Variants in CBARP observed in about 807,000 individuals in gnomAD.
CBARP encodes the protein CACN subunit beta associated regulatory protein, also known as voltage-dependent calcium channel beta subunit-associated regulatory protein.
In CBARP, 24 loss-of-function variants were observed where a neutral mutation model predicts 36.3. The ratio of observed to expected loss-of-function variants is 0.66; its 90% CI spans 0.48 to 0.93. The LOEUF is 0.93. Ranked by LOEUF, CBARP falls within the 40% of genes least tolerant of loss-of-function variation. CBARP has a pLI of 0.00. For missense variants in CBARP, 1,146 were observed against 980.4 expected (o/e 1.17, Z -2.26); for synonymous variants, 586 against 453.2 (o/e 1.29, Z -3.72).
At chr19:1,234,881 G>A (rs1395206403) in intron 5 of CBARP, 120 bp downstream of exon 5, 13 of 1,499,718 alleles carry the variant, frequency 8.7e-6, no homozygotes, top group Middle Eastern at 2.0e-4. Context: ...CCCACCCCAC[G>A]GTCCCAGTCC....
At chr19:1,232,126 C>T (rs1012088926) in intron 8 of CBARP, among the ~76,000 whole-genome samples, 2 of 152,220 alleles carry the variant, frequency 1.3e-5, no homozygotes, top group Admixed American at 1.3e-4. Flanking sequence ...CCAACAGCCT[C>T]CCCAGCAAAG....
At chr19:1,231,069 C>T (rs1013394493) in intron 9 of CBARP, 32 bp downstream of exon 9, 3 of 1,582,424 alleles carry the variant, frequency 1.9e-6, no homozygotes, top group East Asian at 2.3e-5. Context: ...CCCACAGGTC[C>T]ACCCCTAGCA....
At chr19:1,235,750 C>G in intron 3 of CBARP, 29 bp downstream of exon 3, 1 of 1,606,096 alleles carries the variant, frequency 6.2e-7, no homozygotes, top group Non-Finnish European at 8.5e-7. Flanking sequence ...CCACCATGCA[C>G]CTGCCCAGCC....
rs2080938437 is a variant in CBARP, at chr19:1,234,618, TGGTG to T, written c.576_579del (p.Thr193ArgfsTer193). On this transcript the variant is annotated frameshift_variant, in exon 6 of 10. Coordinates refer to ENST00000650044, the MANE Select transcript of CBARP (RefSeq NM_001393918.1). LOFTEE classifies it high-confidence loss of function. ...TTGGGAGAGGTGGCCGGGTGGGGCG[TGGTG>T]GCTGAGCTGGCCTCGCCTGAGTCAC... 11 of 1,609,346 alleles carry T rather than the reference TGGTG, an allele frequency of 6.8e-6. No homozygotes were observed. The highest frequency in any genetic ancestry group is 9.3e-6 in the Non-Finnish European group (11 of 1,178,578).
Position 1,235,823 on chromosome 19 carries a change from C to T in CBARP, c.201G>A (p.Leu67=). 6.2e-7 allele frequency: 1 copy of T among 1,610,554 alleles called. No individual in the cohort carries two copies. The highest frequency in any genetic ancestry group is 8.5e-7 in the Non-Finnish European group (1 of 1,179,918). ...CGTCCCAGCAGCGCTTGCAGAGGAGCAGGACGCCAGACAACACCACCAGCG... is the reference window on the plus strand; with the variant it reads ...CGTCCCAGCAGCGCTTGCAGAGGAGTAGGACGCCAGACAACACCACCAGCG... ...GGTLVVLSGV[L]LLCKRCWDVH... The change falls in exon 3 of 10, where the codon CTG becomes CTA. Residue 67 remains leucine (L), a synonymous_variant. Transcript: ENST00000650044.
At chr19:1,233,827 C>T (rs2080925856) in intron 7 of CBARP, among the ~76,000 whole-genome samples, 191 bp from the exon 8 acceptor site, 1 of 152,212 alleles carries the variant, frequency 6.6e-6, no homozygotes. Context: ...CACTAAGGTG[C>T]TCTGCCCTCT....
rs766981286 is a variant in CBARP at position 1,234,194 on chromosome 19, G to C, written c.765C>G (p.Thr255=). 6.6e-7 allele frequency: 1 copy of C among 1,519,102 alleles called. No individual in the cohort carries two copies. The highest frequency in any genetic ancestry group is 1.4e-5 in the African/African-American group (1 of 71,716). 94.1% of individuals were successfully genotyped at this position (1,519,102 alleles called of 1,614,324 possible). ...PSASSDSGEG[T]SLDAGTRSTK... ...GGGGACACGCAGGGGCCCTCACCGA[G>C]GTGCCTTCCCCAGAGTCGCTAGATG... The change falls in exon 7 of 10, where the codon ACC becomes ACG. Residue 255 remains threonine (T), a synonymous_variant. Coordinates refer to ENST00000650044, the MANE Select transcript of CBARP (RefSeq NM_001393918.1).
Position 1,229,083 on chromosome 19 carries a change from T to G in CBARP, c.*96A>C. 2.9e-6 allele frequency: 1 copy of G among 347,008 alleles called. No individual in the cohort carries two copies. The highest frequency in any genetic ancestry group is 2.2e-5 in the African/African-American group (1 of 44,520). The allele number at this position is 347,008 out of a possible 1,614,324, so 21.5% of individuals were successfully genotyped here. A position where few individuals can be genotyped will look rare whatever the true frequency, so the allele number is the denominator to read the frequency against. On this transcript the variant is annotated 3_prime_UTR_variant, in exon 10 of 10. Transcript: ENST00000650044. The surrounding 1 kb of genome is among the most constrained non-coding windows in gnomAD (Gnocchi z 5.1). ...CGAAGGGCCCGCGGTCCCCGCGCAT[T>G]CGCGTCGGGGCGTCGCGCCCCCACG...
rs772440999 is a variant in CBARP, at chr19:1,233,579, C to T, written c.826G>A (p.Gly276Arg). The T allele has an allele frequency of 4.1e-5, 66 of 1,610,808 alleles. No individual in the cohort carries two copies. In the Admixed American group the frequency reaches 9.9e-4, roughly 24 times the overall value. Residue 276 changes from glycine to arginine, a missense_variant, in exon 8 of 10, where the codon GGG (glycine) becomes AGG (arginine). By Grantham distance (125) the Gly-to-Arg change is moderately radical. Coordinates refer to ENST00000650044, the MANE Select transcript of CBARP (RefSeq NM_001393918.1). The stretch of plus-strand genomic sequence containing the variant: ...GCCCCGGATCCCGGGCCCGCCTCCC[C>T]AGGCCCTGCTGCAGCCCCGGGCCCT... ...AGGPGAAAGPGEAGPGSGAGT... is the reference protein window; with the variant it reads ...AGGPGAAAGPREAGPGSGAGT...
chr19:1,231,311 T>C, intron 8 of CBARP, 36 bp from the exon 9 acceptor site: 1 of 1,585,996 alleles, frequency 6.3e-7, no homozygotes, highest in African/African-American at 1.3e-5. Flanking sequence ...TCAGCCGGCA[T>C]GTGCCTCCAC....
At chr19:1,235,654 G>A (rs770470882) in intron 3 of CBARP, 89 bp from the exon 4 acceptor site, 31 of 1,584,202 alleles carry the variant, frequency 2.0e-5, no homozygotes, top group East Asian at 7.0e-5. Flanking sequence ...CAAGCCCTGC[G>A]CATCACCCAG....
rs1458362429 is a variant in CBARP, at chr19:1,233,633, C to G, written c.772G>C (p.Asp258His). 2 of 1,607,610 alleles carry G rather than the reference C, an allele frequency of 1.2e-6. No homozygotes were observed. The highest frequency in any genetic ancestry group is 1.1e-5 in the South Asian group (1 of 90,476). The change falls in exon 8 of 10, where the codon GAT becomes CAT. Residue 258 changes from aspartate to histidine, a missense_variant. Transcript: ENST00000650044. ...GCCTTGGTGCTCCTGGTACCGGCATCCAACTGGCAGGGAACAGAGATGGCG... is the reference window on the plus strand; with the variant it reads ...GCCTTGGTGCTCCTGGTACCGGCATGCAACTGGCAGGGAACAGAGATGGCG... ...SSDSGEGTSL[D>H]AGTRSTKAGG...
intron 8 of CBARP, 83 bp from the exon 9 acceptor site, chr19:1,231,358 G>A (rs1474929449): frequency 1.7e-5 from 23 of 1,367,620 alleles, no homozygotes; most frequent in South Asian, 8.2e-5. Flanking sequence ...ATGCCCCCCC[G>A]CCACACACAC....
At position 1,234,178 on chromosome 19, in the gene CBARP, C is replaced by T. The variant is rs2080930676; in HGVS notation, c.768+13G>A. On this transcript the variant is annotated intron_variant, in intron 7 of 9. Transcript: ENST00000650044. Reference sequence around the variant, plus strand: ...GGCTGTGGACACCATGGGGGACACGCAGGGGCCCTCACCGAGGTGCCTTCC... The same window carrying T: ...GGCTGTGGACACCATGGGGGACACGTAGGGGCCCTCACCGAGGTGCCTTCC... The T allele has an allele frequency of 6.6e-7, 1 of 1,508,094 alleles. No individual in the cohort carries two copies. Among genetic ancestry groups the T allele is most frequent in the African/African-American group, 1.4e-5 (1 of 71,580 alleles). 93.4% of individuals were successfully genotyped at this position (1,508,094 alleles called of 1,614,324 possible). A position where few individuals can be genotyped will look rare whatever the true frequency, so the allele number is the denominator to read the frequency against.
At chr19:1,236,629 G>A (rs1376321793) in intron 1 of CBARP, among the ~76,000 whole-genome samples, 1 of 152,012 alleles carries the variant, frequency 6.6e-6, no homozygotes, top group Non-Finnish European at 1.5e-5. Flanking sequence ...CGCTGCCTGC[G>A]CGCCAGGGAG....
chr19:1,229,858 A>G lies in CBARP; in HGVS notation c.1439T>C (p.Phe480Ser). 1.0e-6 allele frequency: 1 copy of G among 986,424 alleles called. No individual in the cohort carries two copies. Among genetic ancestry groups the G allele is most frequent in the South Asian group, 4.3e-5 (1 of 23,472 alleles). 61.1% of individuals were successfully genotyped at this position (986,424 alleles called of 1,614,324 possible). A position where few individuals can be genotyped will look rare whatever the true frequency, so the allele number is the denominator to read the frequency against. ...GSGSGGAAPA[F>S]PPPSPPAPRP... ...CGGCGCGGGCGGGGAGGGCGGCGGG[A>G]AGGCGGGCGCCGCGCCCCCGGAGCC... The change falls in exon 10 of 10, where the codon TTC becomes TCC. Residue 480 changes from phenylalanine to serine, a missense_variant. Coordinates refer to ENST00000650044, the MANE Select transcript of CBARP (RefSeq NM_001393918.1). This position sits in a 1 kb window ranked among gnomAD's most constrained non-coding sequence, Gnocchi z 5.1.
intron 5 of CBARP, 105 bp downstream of exon 5, chr19:1,234,896 G>T (rs2080944148): frequency 2.7e-6 from 4 of 1,505,600 alleles, no homozygotes; most frequent in Non-Finnish European, 3.6e-6. Context: ...CAGTCCAGGA[G>T]CCTCTGCCTT....
rs1483613613 is a variant in CBARP, at chr19:1,229,246, T to C, written c.2051A>G (p.Glu684Gly). The C allele has an allele frequency of 2.4e-6, 3 of 1,239,692 alleles. No individual in the cohort carries two copies. The highest frequency in any genetic ancestry group is 1.3e-5 in the South Asian group (1 of 76,204). The allele number at this position is 1,239,692 out of a possible 1,614,324, so 76.8% of individuals were successfully genotyped here. ...CAACGCGGGAGTCGCCACGACGGGC[T>C]CGGCGAGGCGCGGCGGAAAGAGTCT... is the stretch of plus-strand genomic sequence containing the variant. ...DERLFPPRLA[E>G]PVVATPALVA... is the part of the protein sequence containing the mutation. Residue 684 changes from glutamate to glycine, a missense_variant, in exon 10 of 10, where the codon GAG (glutamate) becomes GGG (glycine). Transcript: ENST00000650044. This position sits in a 1 kb window ranked among gnomAD's most constrained non-coding sequence, Gnocchi z 5.1.
intron 1 of CBARP, among the ~76,000 whole-genome samples, chr19:1,236,805 G>A (rs1353669638): frequency 6.7e-5 from 10 of 149,020 alleles, no homozygotes; most frequent in Admixed American, 6.0e-4. Flanking sequence ...GGCTGGGGGG[G>A]CGGGTTGCCA....
Sources: gnomAD v4.1 joint callset for allele counts (sites outside exome capture counted in the v4.1 genomes callset) on GRCh38, gnomAD v4.1.1 for gene constraint, Gnocchi (gnomAD v3.1) non-coding constraint, MANE v1.5 for transcripts, NCBI Gene and HGNC (gene_info 2026-07-23, HGNC 2026-07-21) for gene names.